UTRN: variants seen among roughly 807,000 people sequenced by gnomAD.
UTRN encodes dystrophin-related protein 1.
In UTRN, 283 loss-of-function variants were observed where a neutral mutation model predicts 463.9. That is an observed-to-expected ratio of 0.61 (90% CI 0.55 to 0.67). The LOEUF is 0.67. Ranked by LOEUF, UTRN falls within the 30% of genes least tolerant of loss-of-function variation. The pLI, the probability that UTRN is intolerant of heterozygous loss-of-function variation, is 0.00. For missense variants in UTRN, 3,922 were observed against 4,084.3 expected (o/e 0.96, Z 1.08); for synonymous variants, 1,442 against 1,431.5 (o/e 1.01, Z -0.17).
intron 51 of UTRN, among the ~76,000 whole-genome samples, chr6:144,661,676 A>C (rs1190100250): frequency 6.6e-6 from 1 of 152,142 alleles, no homozygotes; most frequent in East Asian, 1.9e-4. Context: ...TCTTCCTTTA[A>C]AGGTATAGAG....
chr6:144,499,359 G>A lies in UTRN; in HGVS notation c.4696G>A (p.Glu1566Lys), dbSNP rs142782123. The change falls in exon 34 of 75, where the codon GAA becomes AAA. Residue 1566 changes from glutamate (E) to lysine (K), a missense_variant. Glu to Lys is a moderately conservative substitution (Grantham distance 56). Around this residue, in one of 3 missense-constraint regions of UTRN, gnomAD observed 2,349 missense variants for 2,303.8 expected, o/e 1.02. Transcript: ENST00000367545. ...TGAATGGCTTTCTGCTACTGAAACT[G>A]AATTGGTACAGAAGTCCACTTCAGA... ...LSEWLSATETELVQKSTSEGL... is the reference protein window; with the variant it reads ...LSEWLSATETKLVQKSTSEGL... 180 of 1,613,726 alleles carry A rather than the reference G, an allele frequency of 1.1e-4. No homozygotes were observed. The highest frequency in any genetic ancestry group is 3.3e-4 in the Middle Eastern group (2 of 6,082).
chr6:144,539,750 T>C (rs548400492), intron 45 of UTRN, among the ~76,000 whole-genome samples: 3 of 152,184 alleles, frequency 2.0e-5, no homozygotes, highest in South Asian at 2.1e-4. Context: ...GACCTTAAAA[T>C]AGCATTCTGA....
Position 144,521,903 on chromosome 6 carries a change from C to A in UTRN, c.5542-77C>A, listed in dbSNP as rs906015160. On this transcript the variant is annotated intron_variant, in intron 39 of 74. Coordinates refer to ENST00000367545, the MANE Select transcript of UTRN (RefSeq NM_007124.3). ...ATATTGCATTCCTTCACACAATAGT[C>A]TTGTTATTATTCATTGTGGGGGTAT... 15 of 939,632 alleles carry A rather than the reference C, an allele frequency of 1.6e-5. No homozygotes were observed. In the African/African-American group the frequency reaches 2.3e-4, roughly 14 times the overall value. The allele number at this position is 939,632 out of a possible 1,614,324, so 58.2% of individuals were successfully genotyped here.
At chr6:144,764,314 A>T (rs1377320473) in intron 58 of UTRN, among the ~76,000 whole-genome samples, 2 of 152,200 alleles carry the variant, frequency 1.3e-5, no homozygotes, top group Non-Finnish European at 2.9e-5. Context: ...AATCTTATGT[A>T]TTACTGGTGT....
At chr6:144,456,588 G>A (rs1788839502) in intron 19 of UTRN, among the ~76,000 whole-genome samples, 1 of 151,226 alleles carries the variant, frequency 6.6e-6, no homozygotes, top group Non-Finnish European at 1.5e-5. Context: ...GGGAGTCGGA[G>A]GTTGCAGTGA....
intron 52 of UTRN, among the ~76,000 whole-genome samples, chr6:144,684,479 C>A (rs368022058): frequency 6.6e-6 from 1 of 152,144 alleles, no homozygotes; most frequent in African/African-American, 2.4e-5. Flanking sequence ...TATCCCTGTT[C>A]TAAGTCCCGT....
intron 60 of UTRN, among the ~76,000 whole-genome samples, chr6:144,776,497 A>T (rs1775337765): frequency 6.6e-6 from 1 of 152,196 alleles, no homozygotes; most frequent in Admixed American, 6.5e-5. Context: ...TGTGCAGGAG[A>T]TAAAACACTA....
At chr6:144,311,035 T>G (rs560315659) in intron 2 of UTRN, among the ~76,000 whole-genome samples, 1 of 152,180 alleles carries the variant, frequency 6.6e-6, no homozygotes, top group Non-Finnish European at 1.5e-5. Flanking sequence ...AAGATTGCCC[T>G]TTATTGTGTG....
chr6:144,479,932 T>A lies in UTRN; in HGVS notation c.3457T>A (p.Phe1153Ile), dbSNP rs771922664. 1 of 1,614,090 alleles carries A rather than the reference T, an allele frequency of 6.2e-7. No individual in the cohort carries two copies. Among genetic ancestry groups the A allele is most frequent in the South Asian group, 1.1e-5 (1 of 91,078 alleles). The change falls in exon 26 of 75, where the codon TTT (phenylalanine) becomes ATT (isoleucine). Residue 1153 changes from phenylalanine to isoleucine, a missense_variant. Around this residue, in one of 3 missense-constraint regions of UTRN, gnomAD observed 2,349 missense variants for 2,303.8 expected, o/e 1.02. Coordinates refer to ENST00000367545, the MANE Select transcript of UTRN (RefSeq NM_007124.3). ...CGAGGAAGAATATTTGGAGCGGGATTTTGAGTACAAGTCACCAGAAGAGCT... is the reference window on the plus strand; with the variant it reads ...CGAGGAAGAATATTTGGAGCGGGATATTGAGTACAAGTCACCAGAAGAGCT... ...QAEEEYLERD[F>I]EYKSPEELES... is the part of the protein sequence containing the mutation.
chr6:144,579,256 G>A (rs1801730144), intron 51 of UTRN, among the ~76,000 whole-genome samples: 1 of 152,132 alleles, frequency 6.6e-6, no homozygotes, highest in Non-Finnish European at 1.5e-5. Flanking sequence ...AAAATATTTA[G>A]CCATCATCTG....
chr6:144,669,695 G>A (rs1361400997), intron 51 of UTRN, among the ~76,000 whole-genome samples: 2 of 152,030 alleles, frequency 1.3e-5, no homozygotes, highest in Non-Finnish European at 2.9e-5. Context: ...CCCAAGCAGT[G>A]TACACTGAAC....
At chr6:144,767,663 A>T (rs1384530069) in intron 58 of UTRN, among the ~76,000 whole-genome samples, 1 of 152,208 alleles carries the variant, frequency 6.6e-6, no homozygotes, top group African/African-American at 2.4e-5. Flanking sequence ...TTTACTTGGT[A>T]CAAATCGAGC....
intron 55 of UTRN, among the ~76,000 whole-genome samples, chr6:144,750,157 T>G (rs1230121295): frequency 6.6e-6 from 1 of 151,770 alleles, no homozygotes; most frequent in Non-Finnish European, 1.5e-5. Flanking sequence ...AAAATCCCTT[T>G]GCCCACCCTA....
At chr6:144,383,609 C>T (rs1255085949) in intron 2 of UTRN, among the ~76,000 whole-genome samples, 1 of 152,162 alleles carries the variant, frequency 6.6e-6, no homozygotes, top group East Asian at 1.9e-4. Flanking sequence ...TTCTCCCCTC[C>T]TCTGGGCGGA....
intron 51 of UTRN, among the ~76,000 whole-genome samples, chr6:144,624,761 G>A (rs1775777878): frequency 6.6e-6 from 1 of 152,138 alleles, no homozygotes; most frequent in Admixed American, 6.5e-5. Context: ...ACTAAGATAG[G>A]ATAGGAAGTC....
intron 54 of UTRN, among the ~76,000 whole-genome samples, chr6:144,731,686 A>C (rs997690183): frequency 2.6e-5 from 4 of 152,090 alleles, no homozygotes; most frequent in Admixed American, 2.6e-4. Context: ...GTGTGTGTAT[A>C]TACACACATG....
chr6:144,708,264 G>A, intron 53 of UTRN: 2 of 648,362 alleles, frequency 3.1e-6, no homozygotes, highest in East Asian at 3.1e-5. Context: ...TCAATACTTG[G>A]AATTGCAATA....
At position 144,583,359 on chromosome 6, in the gene UTRN, G is replaced by A. The variant is rs1225245529; in HGVS notation, c.7479+6071G>A. Reference sequence around the variant, plus strand: ...CCTTTTTCCTAGAACCTAACCCCCTGTATCTTTCAAATGCTTTCCTGGAAA... The same window carrying A: ...CCTTTTTCCTAGAACCTAACCCCCTATATCTTTCAAATGCTTTCCTGGAAA... On this transcript the variant is annotated intron_variant, in intron 51 of 74. Coordinates refer to ENST00000367545, the MANE Select transcript of UTRN (RefSeq NM_007124.3). 4 of 527,350 alleles carry A rather than the reference G, an allele frequency of 7.6e-6. No homozygotes were observed. The East Asian group carries it at 1.2e-4, about 16-fold the overall frequency. 32.7% of individuals were successfully genotyped at this position (527,350 alleles called of 1,614,324 possible).
At chr6:144,525,147 TCTTTTTTGTTATGTC>T (rs1053551664) in intron 41 of UTRN, among the ~76,000 whole-genome samples, 1 of 152,152 alleles carries the variant, frequency 6.6e-6, no homozygotes, top group African/African-American at 2.4e-5. Flanking sequence ...TCTGTAGTTT[TCTTTTTTGTTATGTC>T]CTTTCCTGGT....
Sources: allele counts gnomAD v4.1 joint callset (sites outside exome capture counted in the v4.1 genomes callset), GRCh38; gene constraint gnomAD v4.1.1; regional missense constraint gnomAD v4.1.1; transcripts MANE v1.5; gene names NCBI Gene and HGNC (gene_info 2026-07-23, HGNC 2026-07-21).